SYNE3: variants seen among roughly 807,000 people sequenced by gnomAD.
SYNE3 encodes the protein nesprin-3.
In SYNE3, 100 loss-of-function variants were observed where a neutral mutation model predicts 111.2. That is an observed-to-expected ratio of 0.90 (90% CI 0.77 to 1.06). SYNE3 has a LOEUF of 1.06. Ranked by LOEUF, SYNE3 falls within the 50% of genes least tolerant of loss-of-function variation. SYNE3 has a pLI of 0.00. For synonymous variants in SYNE3, 547 were observed against 533.9 expected (o/e 1.02, Z -0.34); for missense variants, 1,160 against 1,240.3 (o/e 0.94, Z 0.97).
chr14:95,439,514 G>C (rs1459573342), intron 13 of SYNE3, 98 bp downstream of exon 13: 1 of 1,513,284 alleles, frequency 6.6e-7, no homozygotes, highest in Non-Finnish European at 9.1e-7. Flanking sequence ...TCCACACTGG[G>C]CAGCACCCTG....
intron 15 of SYNE3, among the ~76,000 whole-genome samples, chr14:95,435,391 T>G (rs1441578892): frequency 6.6e-6 from 1 of 151,744 alleles, no homozygotes; most frequent in Non-Finnish European, 1.5e-5. Flanking sequence ...ATTAGTAAAC[T>G]GAAAGATGAA....
chr14:95,462,467 G>A (rs1887893149), intron 4 of SYNE3, among the ~76,000 whole-genome samples: 1 of 152,200 alleles, frequency 6.6e-6, no homozygotes, highest in African/African-American at 2.4e-5. Flanking sequence ...TTCCACATTG[G>A]CATCAGCATT....
chr14:95,429,928 C>A, intron 17 of SYNE3: 2 of 958,050 alleles, frequency 2.1e-6, no homozygotes, highest in Non-Finnish European at 2.4e-6. Context: ...CAGGACAGGT[C>A]ACTGCTCTTC....
chr14:95,460,764 T>G (rs1414137524), intron 4 of SYNE3, among the ~76,000 whole-genome samples: 1 of 152,092 alleles, frequency 6.6e-6, no homozygotes, highest in East Asian at 1.9e-4. Flanking sequence ...GCCTCCTCCA[T>G]CAACAGGAAA....
At chr14:95,431,994 C>A in intron 17 of SYNE3, 85 bp downstream of exon 17, 7 of 1,486,254 alleles carry the variant, frequency 4.7e-6, no homozygotes, top group Admixed American at 1.9e-5. Flanking sequence ...AGAAAGCCCA[C>A]GAGTCTTGCC....
At chr14:95,461,028 C>T (rs1256886771) in intron 4 of SYNE3, among the ~76,000 whole-genome samples, 4 of 152,178 alleles carry the variant, frequency 2.6e-5, no homozygotes, top group African/African-American at 9.7e-5. Flanking sequence ...GAGATCCGTG[C>T]CAGGCATAAC....
At chr14:95,453,285 C>A (rs1318988944) in intron 6 of SYNE3, among the ~76,000 whole-genome samples, 1 of 152,190 alleles carries the variant, frequency 6.6e-6, no homozygotes, top group Non-Finnish European at 1.5e-5. Context: ...TCCCAGGAGG[C>A]AGCCTTGTGC....
At chr14:95,449,588 G>T (rs575342708) in intron 8 of SYNE3, 221 of 985,472 alleles carry the variant, frequency 2.2e-4, no homozygotes, top group Non-Finnish European at 2.6e-4. Flanking sequence ...AGATACCGCA[G>T]GTCAGGTCAG....
In SYNE3 at chr14:95,409,186, G is replaced by A. The variant is rs191300770; in HGVS notation, c.*8640C>T. The A allele has an allele frequency of 7.4e-4, 337 of 456,714 alleles. No individual in the cohort carries two copies. The highest frequency in any genetic ancestry group is 1.1e-3 in the Non-Finnish European group (242 of 226,962). The allele number at this position is 456,714 out of a possible 1,614,324, so 28.3% of individuals were successfully genotyped here. ...TGGGCTCGGAGCCAGTCATGCCTGG[G>A]TACAAGTCCCAAATTTACCACTCCC... is the stretch of plus-strand genomic sequence containing the variant. On this transcript the variant is annotated 3_prime_UTR_variant, in exon 18 of 18. Coordinates refer to ENST00000682763, the MANE Select transcript of SYNE3 (RefSeq NM_152592.6).
chr14:95,431,310 G>A (rs928549273), intron 17 of SYNE3, among the ~76,000 whole-genome samples: 7 of 152,288 alleles, frequency 4.6e-5, no homozygotes, highest in Non-Finnish European at 1.0e-4. Context: ...ACCACTGAGG[G>A]GCTGAGGCCT....
At chr14:95,480,055 A>G (rs1889133469) in intron 1 of SYNE3, among the ~76,000 whole-genome samples, 1 of 126,626 alleles carries the variant, frequency 7.9e-6, no homozygotes, top group South Asian at 2.1e-4. Flanking sequence ...TAGGATTAAA[A>G]AATAAATAAA....
In SYNE3 at chr14:95,452,355, T is replaced by C; in HGVS notation, c.1166A>G (p.Glu389Gly). 1 of 1,612,730 alleles carries C rather than the reference T, an allele frequency of 6.2e-7. No homozygotes were observed. The highest frequency in any genetic ancestry group is 8.5e-7 in the Non-Finnish European group (1 of 1,179,602). Residue 389 changes from glutamate to glycine, a missense_variant, in exon 7 of 18, where the codon GAG (glutamate) becomes GGG (glycine). Coordinates refer to ENST00000682763, the MANE Select transcript of SYNE3 (RefSeq NM_152592.6). The stretch of plus-strand genomic sequence containing the variant: ...GGCTTGCAGCCGGTCCACCCGGGGC[T>C]CCTCCGAGGCCAGCGCCGCCCGTGT... ...SATRAALASEEPRVDRLQAQL... is the reference protein window; with the variant it reads ...SATRAALASEGPRVDRLQAQL...
At chr14:95,484,911 G>T (rs963039070) in intron 1 of SYNE3, among the ~76,000 whole-genome samples, 4 of 152,166 alleles carry the variant, frequency 2.6e-5, no homozygotes, top group Non-Finnish European at 5.9e-5. Flanking sequence ...TCACACTGGC[G>T]CCTGCCTCAG....
intron 1 of SYNE3, among the ~76,000 whole-genome samples, chr14:95,493,752 CA>C (rs1434473426): frequency 5.3e-5 from 8 of 152,218 alleles, no homozygotes; most frequent in African/African-American, 1.7e-4. Context: ...GTGATGCCCT[CA>C]GGGGCATACA....
intron 1 of SYNE3, among the ~76,000 whole-genome samples, chr14:95,515,923 T>A (rs1287559361): frequency 6.6e-6 from 1 of 152,218 alleles, no homozygotes; most frequent in Admixed American, 6.5e-5. Flanking sequence ...ATGGGTCTGC[T>A]GTTTGGGGTC....
chr14:95,500,432 C>T lies in SYNE3; in HGVS notation c.-15+16164G>A, dbSNP rs1166426538. 3.9e-5 allele frequency among the ~76,000 whole-genome samples: 6 copies of T among 152,182 alleles called. No homozygotes were observed. The highest frequency in any genetic ancestry group is 7.2e-5 in the African/African-American group (3 of 41,446). On this transcript the variant is annotated intron_variant, in intron 1 of 17. Coordinates refer to ENST00000682763, the MANE Select transcript of SYNE3 (RefSeq NM_152592.6). This position sits in a 1 kb window ranked among gnomAD's most constrained non-coding sequence, Gnocchi z 4.7. ...AGGAGTGAGTGATACCTTGCAGACG[C>T]GTAGGTGTCCTCTTGAGTCCCCAGA...
intron 1 of SYNE3, among the ~76,000 whole-genome samples, chr14:95,497,271 A>T (rs971252378): frequency 3.3e-5 from 5 of 152,096 alleles, no homozygotes; most frequent in Non-Finnish European, 5.9e-5. Flanking sequence ...AGTATATTTA[A>T]CTCCTCTGAC....
rs1298754728 is a variant in SYNE3, at chr14:95,409,196, C to A, written c.*8630G>T. On this transcript the variant is annotated 3_prime_UTR_variant, in exon 18 of 18. Coordinates refer to ENST00000682763, the MANE Select transcript of SYNE3 (RefSeq NM_152592.6). The stretch of plus-strand genomic sequence containing the variant: ...GCCAGTCATGCCTGGGTACAAGTCC[C>A]AAATTTACCACTCCCCGCCTAGCTG... 2.2e-6 allele frequency: 1 copy of A among 456,744 alleles called. No individual in the cohort carries two copies. Among genetic ancestry groups the A allele is most frequent in the Non-Finnish European group, 4.4e-6 (1 of 226,962 alleles). The allele number at this position is 456,744 out of a possible 1,614,324, so 28.3% of individuals were successfully genotyped here. A position where few individuals can be genotyped will look rare whatever the true frequency, so the allele number is the denominator to read the frequency against.
chr14:95,466,219 C>A lies in SYNE3; in HGVS notation c.339G>T (p.Leu113=). 3 of 1,579,176 alleles carry A rather than the reference C, an allele frequency of 1.9e-6. No homozygotes were observed. The highest frequency in any genetic ancestry group is 4.5e-5 in the East Asian group (2 of 44,026). ...GGGCCAGCAGGTACTCGCTCCAGTG[C>A]AGCCACACCCACTCGATGCGGCTGT... ...HCHSRIEWVW[L]HWSEYLLARD... The change falls in exon 4 of 18, where the codon CTG becomes CTT. Residue 113 remains leucine, a synonymous_variant. Coordinates refer to ENST00000682763, the MANE Select transcript of SYNE3 (RefSeq NM_152592.6).
Sources: gnomAD v4.1 joint callset for allele counts (sites outside exome capture counted in the v4.1 genomes callset) on GRCh38, gnomAD v4.1.1 for gene constraint, Gnocchi (gnomAD v3.1) non-coding constraint, MANE v1.5 for transcripts, NCBI Gene and HGNC (gene_info 2026-07-23, HGNC 2026-07-21) for gene names.